DAP3: variants seen among roughly 807,000 people sequenced by gnomAD.
The protein encoded by DAP3 is death associated protein 3, also known as small ribosomal subunit protein mS29.
A neutral mutation model predicts 51.9 loss-of-function variants in DAP3; 28 were observed. That is an observed-to-expected ratio of 0.54 (90% CI 0.40 to 0.74). The LOEUF (loss-of-function observed/expected upper bound fraction) is 0.74, where lower values mean the gene tolerates loss of function less well. Among genes scored for constraint, DAP3 ranks in the 30% least tolerant of loss-of-function variants. DAP3 has a pLI of 0.00. For synonymous variants in DAP3, 170 were observed against 170.3 expected, an observed-to-expected ratio of 1.00 and a Z score of 0.01; for missense variants, 458 against 483.5, an observed-to-expected ratio of 0.95 and a Z score of 0.49.
intron 2 of DAP3, among the ~76,000 whole-genome samples, chr1:155,716,464 T>C (rs980440633): frequency 2.0e-5 from 3 of 151,826 alleles, no homozygotes; most frequent in African/African-American, 7.3e-5. Context: ...TCCCAGCTAC[T>C]CGGGAGGCTG....
At chr1:155,689,815 G>A (rs1159452002) in intron 1 of DAP3, among the ~76,000 whole-genome samples, 1 of 152,182 alleles carries the variant, frequency 6.6e-6, no homozygotes, top group East Asian at 1.9e-4. Context: ...GGGAGGCTGA[G>A]GCAGGAGAAT....
chr1:155,736,770 ACCATATGTGGAGT>A (rs1048100986), intron 11 of DAP3, 163 bp from the exon 12 acceptor site: 29 of 629,096 alleles, frequency 4.6e-5, no homozygotes, highest in Middle Eastern at 8.7e-4. Context: ...GTAGCCAGCC[ACCATATGTGGAGT>A]CCATATGTGG....
chr1:155,726,784 CA>C (rs530179771), intron 6 of DAP3: 17,250 of 91,362 alleles, frequency 0.19, 2,037 homozygotes, highest in African/African-American at 0.43. Context: ...GACCCTGTCT[CA>C]AAAAAAAAAA....
intron 1 of DAP3, 114 bp from the exon 2 acceptor site, chr1:155,709,659 T>C (rs1656447488): frequency 1.3e-6 from 1 of 761,470 alleles, no homozygotes; most frequent in African/African-American, 1.8e-5. Context: ...CTTTATATAT[T>C]CTAGATATTA....
At position 155,738,578 on chromosome 1, in the gene DAP3, T is replaced by G; in HGVS notation, c.*336T>G. On this transcript the variant is annotated 3_prime_UTR_variant, in exon 13 of 13. Coordinates refer to ENST00000368336, the MANE Select transcript of DAP3 (RefSeq NM_004632.4). Reference sequence around the variant, plus strand: ...GGAAGGAGTCTTTAGATTGGCCAAATTGCATTTCTCTGATATTCCTCTTGT... The same window carrying G: ...GGAAGGAGTCTTTAGATTGGCCAAAGTGCATTTCTCTGATATTCCTCTTGT... 9.2e-6 allele frequency: 2 copies of G among 217,424 alleles called. No homozygotes were observed. The highest frequency in any genetic ancestry group is 1.1e-4 in the East Asian group (1 of 9,040). The allele number at this position is 217,424 out of a possible 1,614,324, so 13.5% of individuals were successfully genotyped here.
rs751043453 is a variant in DAP3, at chr1:155,692,117, G to A, written c.-8+2943G>A. The stretch of plus-strand genomic sequence containing the variant: ...TGAATCTCCTTTGTGCTTAAACAAC[G>A]TATCTTTAGTTAGCTGGTGGGAGTG... On this transcript the variant is annotated intron_variant, in intron 1 of 12. Transcript: ENST00000368336. Among the ~76,000 whole-genome samples the A allele has an allele frequency of 8.5e-5, 12 of 141,922 alleles. 1 individual carries two copies. Among genetic ancestry groups the A allele is most frequent in the Non-Finnish European group, 1.3e-4 (9 of 68,046 alleles). The allele number at this position is 141,922 out of a possible 152,430, so 93.1% of individuals were successfully genotyped here. A position where few individuals can be genotyped will look rare whatever the true frequency, so the allele number is the denominator to read the frequency against.
chr1:155,694,286 T>C (rs1251842300), intron 1 of DAP3, among the ~76,000 whole-genome samples: 1 of 141,374 alleles, frequency 7.1e-6, no homozygotes, highest in Non-Finnish European at 1.5e-5. Flanking sequence ...AGAGGGCCCT[T>C]GAGTATCTGT....
intron 1 of DAP3, among the ~76,000 whole-genome samples, chr1:155,708,604 T>A (rs1212836143): frequency 1.4e-5 from 2 of 147,068 alleles, no homozygotes; most frequent in African/African-American, 5.1e-5. Flanking sequence ...TACAGTGGTG[T>A]GATATCAGCT....
chr1:155,732,520 G>T lies in DAP3; in HGVS notation c.993+487G>T, dbSNP rs147746101. Among the ~76,000 whole-genome samples, 1,182 of 152,028 alleles carry T rather than the reference G, an allele frequency of 7.8e-3. 12 individuals are homozygous for T. The highest frequency in any genetic ancestry group is 0.011 in the Admixed American group (169 of 15,252). On this transcript the variant is annotated intron_variant, in intron 11 of 12. Coordinates refer to ENST00000368336, the MANE Select transcript of DAP3 (RefSeq NM_004632.4). ...TGCTAGGATTATAGGCGTGAGCCAC[G>T]GCGCCTGGCCTTGATGCTTCTTTGT...
At position 155,738,359 on chromosome 1, in the gene DAP3, T is replaced by G; in HGVS notation, c.*117T>G. 9.6e-7 allele frequency: 1 copy of G among 1,047,028 alleles called. No individual in the cohort carries two copies. 64.9% of individuals were successfully genotyped at this position (1,047,028 alleles called of 1,614,324 possible). On this transcript the variant is annotated 3_prime_UTR_variant, in exon 13 of 13. Coordinates refer to ENST00000368336, the MANE Select transcript of DAP3 (RefSeq NM_004632.4). ...AGCCAGGCCCTTGTACCTATGGGATTGGACAGGACTGCAGTTGGCTCTGGA... is the reference window on the plus strand; with the variant it reads ...AGCCAGGCCCTTGTACCTATGGGATGGGACAGGACTGCAGTTGGCTCTGGA...
In DAP3 at chr1:155,693,917, C is replaced by T. The variant is rs1390449915; in HGVS notation, c.-8+4743C>T. Among the ~76,000 whole-genome samples the T allele has an allele frequency of 6.4e-5, 9 of 140,392 alleles. No homozygotes were observed. In the South Asian group the frequency reaches 1.2e-3, roughly 19 times the overall value. 92.1% of individuals were successfully genotyped at this position (140,392 alleles called of 152,430 possible). On this transcript the variant is annotated intron_variant, in intron 1 of 12. Coordinates refer to ENST00000368336, the MANE Select transcript of DAP3 (RefSeq NM_004632.4). ...CGGAGGTTGCAGTGAGCTGAGATTG[C>T]GCCATTGCACTCCAGCCTGTGCAAC...
chr1:155,714,503 A>G (rs1202572228), intron 2 of DAP3, among the ~76,000 whole-genome samples: 1 of 152,174 alleles, frequency 6.6e-6, no homozygotes, highest in African/African-American at 2.4e-5. Flanking sequence ...AGTGGCTCAC[A>G]CCCATAATCC....
chr1:155,726,114 T>TTTTC lies in DAP3; in HGVS notation c.472+98_472+99insCTTT. On this transcript the variant is annotated intron_variant, in intron 6 of 12. Transcript: ENST00000368336. ...TTTAATTTTCTTTTCTTTTCTTTTC[T>TTTTC]TTTTTTTTTTTTTTTTGAGATGGAG... The TTTTC allele has an allele frequency of 3.8e-5, 8 of 213,276 alleles. No individual in the cohort carries two copies. The South Asian group carries it at 9.1e-4, about 24-fold the overall frequency. The allele number at this position is 213,276 out of a possible 1,614,324, so 13.2% of individuals were successfully genotyped here. A position where few individuals can be genotyped will look rare whatever the true frequency, so the allele number is the denominator to read the frequency against.
upstream of DAP3, chr1:155,688,552 C>G (rs1452398786): frequency 4.9e-5 from 76 of 1,539,528 alleles, no homozygotes; most frequent in Non-Finnish European, 6.4e-5. Flanking sequence ...GGCCGTCCTG[C>G]GAGCCAGCCA....
At chr1:155,709,001 T>G (rs955615895) in intron 1 of DAP3, 1 of 152,120 alleles carries the variant, frequency 6.6e-6, no homozygotes, top group African/African-American at 2.4e-5. Context: ...GCGCGTGGCC[T>G]CCGACTAATT....
At chr1:155,688,827 T>C (rs546473729), upstream of DAP3, 7 of 1,574,838 alleles carry the variant, frequency 4.4e-6, no homozygotes, top group Non-Finnish European at 4.3e-6. Context: ...GTTCCATTCC[T>C]GGCGGCTGCA....
At chr1:155,703,937 C>G (rs1655642245) in intron 1 of DAP3, among the ~76,000 whole-genome samples, 1 of 152,114 alleles carries the variant, frequency 6.6e-6, no homozygotes, top group Non-Finnish European at 1.5e-5. Flanking sequence ...TACTTGAGGC[C>G]AGGAGTTAGA....
intron 3 of DAP3, among the ~76,000 whole-genome samples, chr1:155,718,985 G>A (rs1657673615): frequency 1.1e-4 from 16 of 152,126 alleles, no homozygotes; most frequent in Admixed American, 1.0e-3. Flanking sequence ...GGCAAGAATT[G>A]TCTTTGCTAC....
At chr1:155,716,227 C>G (rs891367808) in intron 2 of DAP3, among the ~76,000 whole-genome samples, 1 of 152,142 alleles carries the variant, frequency 6.6e-6, no homozygotes, top group Admixed American at 6.6e-5. Context: ...TGTCATTGGA[C>G]TTAGTGAATT....
Sources: allele counts gnomAD v4.1 joint callset (sites outside exome capture counted in the v4.1 genomes callset), GRCh38; gene constraint gnomAD v4.1.1; transcripts MANE v1.5; gene names NCBI Gene and HGNC (gene_info 2026-07-23, HGNC 2026-07-21).